The following DPP4 variants were observed in gnomAD, a reference collection of about 807,000 sequenced individuals.
DPP4 encodes ADCP-2.
DPP4 carries 93 observed loss-of-function variants against 122.4 expected under a neutral mutation model. The ratio of observed to expected loss-of-function variants is 0.76; its 90% confidence interval spans 0.64 to 0.90. DPP4 has a LOEUF of 0.90. Ranked by LOEUF, DPP4 falls within the 40% of genes least tolerant of loss-of-function variation. DPP4 has a pLI of 0.00. For missense variants in DPP4, 914 were observed against 907.3 expected, an observed-to-expected ratio of 1.01 and a Z score of -0.09; for synonymous variants, 321 against 302.9, an observed-to-expected ratio of 1.06 and a Z score of -0.62.
rs6737128 is a variant in DPP4 at position 162,028,072 on chromosome 2, C to T, written c.888-3133G>A. ...AAGAATCATTTAAAAAAAAAAAAAACAAAAAACTGCCAGGTGCAGTGACTC... is the reference window on the plus strand; with the variant it reads ...AAGAATCATTTAAAAAAAAAAAAAATAAAAAACTGCCAGGTGCAGTGACTC... On this transcript the variant is annotated intron_variant, in intron 10 of 25. Coordinates refer to ENST00000360534, the MANE Select transcript of DPP4 (RefSeq NM_001935.4). 2.5e-3 allele frequency among the ~76,000 whole-genome samples: 360 copies of T among 145,802 alleles called. 2 individuals are homozygous for T. Among genetic ancestry groups the T allele is most frequent in the African/African-American group, 8.6e-3 (333 of 38,808 alleles).
chr2:162,019,335 AT>A, intron 14 of DPP4, 59 bp from the exon 15 acceptor site: 1 of 1,213,446 alleles, frequency 8.2e-7, no homozygotes. Flanking sequence ...GTCAGAGGCG[AT>A]CCACCGCACT....
chr2:162,009,331 G>C (rs1220853756), intron 20 of DPP4, 36 bp from the exon 21 acceptor site: 3 of 1,593,854 alleles, frequency 1.9e-6, no homozygotes, highest in East Asian at 4.5e-5. Flanking sequence ...GATCAGTACT[G>C]CATTGTGTAT....
intron 11 of DPP4, among the ~76,000 whole-genome samples, chr2:162,023,437 C>T (rs1307907975): frequency 6.6e-6 from 1 of 152,182 alleles, no homozygotes; most frequent in African/African-American, 2.4e-5. Flanking sequence ...GCACCTGAGC[C>T]TTTGCCTATA....
At chr2:162,054,484 C>T (rs1167773151) in intron 2 of DPP4, among the ~76,000 whole-genome samples, 2 of 152,174 alleles carry the variant, frequency 1.3e-5, no homozygotes, top group African/African-American at 4.8e-5. Context: ...AGGGTGAATG[C>T]TATGGTCTGA....
At chr2:162,038,095 G>C (rs952896150) in intron 8 of DPP4, among the ~76,000 whole-genome samples, 5 of 152,266 alleles carry the variant, frequency 3.3e-5, no homozygotes, top group African/African-American at 1.2e-4. Flanking sequence ...AGTATTGTCA[G>C]GCAATGAGGA....
chr2:162,014,242 G>A (rs1169768418), intron 19 of DPP4, among the ~76,000 whole-genome samples, 154 bp downstream of exon 19: 1 of 152,120 alleles, frequency 6.6e-6, no homozygotes, highest in Non-Finnish European at 1.5e-5. Flanking sequence ...AACACAGGTT[G>A]GGTTTTGTGG....
intron 21 of DPP4, 111 bp from the exon 22 acceptor site, chr2:162,008,772 A>C (rs1701347667): frequency 1.9e-5 from 18 of 940,638 alleles, no homozygotes; most frequent in Non-Finnish European, 3.0e-5. Flanking sequence ...CTCTTTAGAG[A>C]TAAAAAGCAT....
At chr2:162,019,136 TTAGG>T in intron 15 of DPP4, 83 bp downstream of exon 15, 1 of 1,223,138 alleles carries the variant, frequency 8.2e-7, no homozygotes, top group Non-Finnish European at 1.2e-6. Context: ...TTAATATTAG[TTAGG>T]ACAAGGCAAA....
chr2:162,017,488 T>G, intron 16 of DPP4: 2 of 215,702 alleles, frequency 9.3e-6, no homozygotes, highest in Non-Finnish European at 1.8e-5. Context: ...GCTGACATCC[T>G]TCCCCACTCT....
intron 8 of DPP4, among the ~76,000 whole-genome samples, chr2:162,037,199 G>C (rs1683810712): frequency 6.6e-6 from 1 of 152,134 alleles, no homozygotes; most frequent in Admixed American, 6.6e-5. Flanking sequence ...ACTCCCTCCA[G>C]CAATTATCTA....
At position 162,010,204 on chromosome 2, in the gene DPP4, T is replaced by C. The variant is rs141582920; in HGVS notation, c.1833-909A>G. On this transcript the variant is annotated intron_variant, in intron 20 of 25. Transcript: ENST00000360534. ...TGAAGGAGGCAGACATACAGCAATG[T>C]GCAACAGATCATTCATGTATAATTT... is the stretch of plus-strand genomic sequence containing the variant. Among the ~76,000 whole-genome samples, 303 of 152,340 alleles carry C rather than the reference T, an allele frequency of 2.0e-3. 1 individual carries two copies. The highest frequency in any genetic ancestry group is 7.1e-3 in the African/African-American group (294 of 41,588).
rs544618026 is a variant in DPP4 at position 162,000,377 on chromosome 2, G to A, written c.2053-5005C>T. Among the ~76,000 whole-genome samples, 88 of 152,258 alleles carry A rather than the reference G, an allele frequency of 5.8e-4. 1 individual carries two copies. Among genetic ancestry groups the A allele is most frequent in the Non-Finnish European group, 1.0e-3 (70 of 68,018 alleles). On this transcript the variant is annotated intron_variant, in intron 23 of 25. Transcript: ENST00000360534. ...AACTGTACCCATGGGATGCCAAGGA[G>A]AGAGCTCCCATCAACCCCAGACAGG...
At chr2:161,993,894 A>C (rs1700927478) in intron 25 of DPP4, among the ~76,000 whole-genome samples, 1 of 152,202 alleles carries the variant, frequency 6.6e-6, no homozygotes, top group African/African-American at 2.4e-5. Flanking sequence ...GAAACTGGAA[A>C]AACTCTATTT....
chr2:162,031,732 G>A lies in DPP4; in HGVS notation c.887+1809C>T, dbSNP rs73007399. ...CTCCTCAGAATGCCTCCATTCTATT[G>A]CTCGTATCTCTCTTATCACTCCTGG... On this transcript the variant is annotated intron_variant, in intron 10 of 25. Coordinates refer to ENST00000360534, the MANE Select transcript of DPP4 (RefSeq NM_001935.4). 1.0e-2 allele frequency among the ~76,000 whole-genome samples: 1,519 copies of A among 152,144 alleles called. 30 individuals are homozygous for A. The highest frequency in any genetic ancestry group is 0.035 in the African/African-American group (1,442 of 41,494).
chr2:162,033,863 T>TATATATATATATAC, intron 9 of DPP4, among the ~76,000 whole-genome samples: 1 of 9,024 alleles, frequency 1.1e-4, no homozygotes, highest in East Asian at 5.3e-3. Flanking sequence ...AGAATATGTG[T>TATATATATATATAC]ATATATATAT....
intron 2 of DPP4, among the ~76,000 whole-genome samples, chr2:162,059,438 G>A (rs1229067808): frequency 2.0e-5 from 3 of 152,234 alleles, no homozygotes; most frequent in South Asian, 2.1e-4. Context: ...TTAAGTGTAT[G>A]ACTAAATGAC....
chr2:162,001,357 T>C (rs1384470963), intron 23 of DPP4, among the ~76,000 whole-genome samples: 3 of 152,168 alleles, frequency 2.0e-5, no homozygotes, highest in Non-Finnish European at 4.4e-5. Flanking sequence ...AAACTCTAAC[T>C]TCTTGGCCAC....
chr2:161,993,470 C>G (rs775584321), intron 25 of DPP4, 86 bp from the exon 26 acceptor site: 17 of 932,600 alleles, frequency 1.8e-5, no homozygotes, highest in Non-Finnish European at 2.6e-5. Flanking sequence ...TGAGCTCTCA[C>G]GAGCATACAT....
intron 23 of DPP4, among the ~76,000 whole-genome samples, chr2:162,002,387 C>T (rs1701171720): frequency 6.6e-6 from 1 of 152,156 alleles, no homozygotes; most frequent in African/African-American, 2.4e-5. Flanking sequence ...TTAAAAACTG[C>T]ATTTTCTTCC....
Sources: allele counts gnomAD v4.1 joint callset (sites outside exome capture counted in the v4.1 genomes callset), GRCh38; gene constraint gnomAD v4.1.1; transcripts MANE v1.5; gene names NCBI Gene and HGNC (gene_info 2026-07-23, HGNC 2026-07-21).